The following CCDC171 variants were observed in gnomAD, a reference collection of about 807,000 sequenced individuals.
CCDC171 encodes the protein coiled-coil domain-containing protein 171.
In CCDC171, 177 loss-of-function variants were observed where a neutral mutation model predicts 168.2. The ratio of observed to expected loss-of-function variants is 1.05; its 90% confidence interval spans 0.93 to 1.19. The LOEUF is 1.19. Ranked by LOEUF, CCDC171 falls within the 50% of genes most tolerant of loss-of-function variation. The probability of loss-of-function intolerance (pLI) is 0.00; values close to 1 mark genes in which losing one functional copy is unlikely to be tolerated. For missense variants in CCDC171, 1,991 were observed against 1,539.0 expected (o/e 1.29, Z -4.91); for synonymous variants, 687 against 540.8 (o/e 1.27, Z -3.75).
intron 10 of CCDC171, among the ~76,000 whole-genome samples, chr9:15,681,609 C>G (rs149462807): frequency 2.7e-4 from 41 of 152,054 alleles, no homozygotes; most frequent in African/African-American, 8.9e-4. Context: ...TATTCTGTCA[C>G]TTTTCCTAAA....
At chr9:15,574,235 C>G (rs1354311221) in intron 3 of CCDC171, among the ~76,000 whole-genome samples, 1 of 151,892 alleles carries the variant, frequency 6.6e-6, no homozygotes, top group Non-Finnish European at 1.5e-5. Flanking sequence ...ACCTCTGCCT[C>G]CCAGGTTCAA....
At chr9:15,857,282 A>G (rs920567049) in intron 23 of CCDC171, among the ~76,000 whole-genome samples, 5 of 151,932 alleles carry the variant, frequency 3.3e-5, no homozygotes, top group African/African-American at 1.2e-4. Context: ...TTTTAGTGTC[A>G]TATCCATGAA....
At chr9:15,719,016 C>T (rs984591977) in intron 11 of CCDC171, among the ~76,000 whole-genome samples, 12 of 152,100 alleles carry the variant, frequency 7.9e-5, no homozygotes, top group Non-Finnish European at 1.3e-4. Context: ...CCTGGAGATA[C>T]AGAGATATAT....
chr9:15,949,547 A>G (rs528962204), intron 25 of CCDC171, among the ~76,000 whole-genome samples: 16 of 152,128 alleles, frequency 1.1e-4, no homozygotes, highest in African/African-American at 3.6e-4. Flanking sequence ...CATCCTAGGT[A>G]TTTTATTCTC....
chr9:15,677,922 ATAT>A (rs1227427867), intron 9 of CCDC171, among the ~76,000 whole-genome samples: 740 of 38,010 alleles, frequency 0.019, 118 homozygotes, highest in East Asian at 0.063. Context: ...ATATATATAT[ATAT>A]AAGAGATGTG....
At chr9:15,811,065 G>C (rs761357802) in intron 21 of CCDC171, among the ~76,000 whole-genome samples, 1 of 152,262 alleles carries the variant, frequency 6.6e-6, no homozygotes, top group East Asian at 1.9e-4. Context: ...CTGTTGTACA[G>C]TGCTGGTCGA....
chr9:15,920,753 A>G (rs1032571827), intron 25 of CCDC171, among the ~76,000 whole-genome samples: 3 of 151,782 alleles, frequency 2.0e-5, no homozygotes, highest in Non-Finnish European at 4.4e-5. Context: ...AGTGTGTCCC[A>G]TTAAGACAGA....
intron 18 of CCDC171, among the ~76,000 whole-genome samples, chr9:15,772,959 A>C (rs1195869475): frequency 2.0e-5 from 3 of 151,752 alleles, no homozygotes; most frequent in Non-Finnish European, 2.9e-5. Flanking sequence ...AAATTTAGTT[A>C]ACAATACTCA....
the CCDC171 span, among the ~76,000 whole-genome samples, chr9:16,085,508 C>T: frequency 6.6e-6 from 1 of 152,196 alleles, no homozygotes; most frequent in Non-Finnish European, 1.5e-5. Flanking sequence ...GAAACCTCTG[C>T]AGCCAGTGAC....
chr9:15,592,653 G>T (rs2042081312), intron 5 of CCDC171, among the ~76,000 whole-genome samples: 1 of 152,000 alleles, frequency 6.6e-6, no homozygotes, highest in Admixed American at 6.6e-5. Flanking sequence ...AATGGGGGAG[G>T]TTTCGGTGGT....
intron 21 of CCDC171, among the ~76,000 whole-genome samples, chr9:15,795,360 C>G (rs1480234628): frequency 2.6e-5 from 4 of 152,316 alleles, no homozygotes; most frequent in East Asian, 3.9e-4. Flanking sequence ...TCTCACCTCT[C>G]AGCACTGTTG....
At chr9:15,706,133 C>G (rs2052203570) in intron 11 of CCDC171, among the ~76,000 whole-genome samples, 1 of 152,192 alleles carries the variant, frequency 6.6e-6, no homozygotes, top group Non-Finnish European at 1.5e-5. Context: ...ACTACAGTTG[C>G]TCCTGTCTCA....
At chr9:15,634,625 G>T (rs1029677626) in intron 7 of CCDC171, among the ~76,000 whole-genome samples, 1 of 152,002 alleles carries the variant, frequency 6.6e-6, no homozygotes, top group Admixed American at 6.6e-5. Context: ...TTCTTACAGC[G>T]ATGAGTAAAA....
intron 6 of CCDC171, among the ~76,000 whole-genome samples, chr9:15,607,793 A>T (rs1243225623): frequency 2.0e-5 from 3 of 152,166 alleles, no homozygotes; most frequent in Non-Finnish European, 4.4e-5. Context: ...GTTAAAGTTA[A>T]TAAAATAGCT....
At chr9:15,801,445 T>C (rs2135787966) in intron 21 of CCDC171, among the ~76,000 whole-genome samples, 1 of 152,252 alleles carries the variant, frequency 6.6e-6, no homozygotes, top group African/African-American at 2.4e-5. Flanking sequence ...GAAATACTAC[T>C]GAATTTTGAA....
chr9:15,916,463 A>G (rs1383808133), intron 24 of CCDC171, among the ~76,000 whole-genome samples: 1 of 152,004 alleles, frequency 6.6e-6, no homozygotes, highest in African/African-American at 2.4e-5. Flanking sequence ...TTAAAGTCGA[A>G]GTGATAGAGT....
the CCDC171 span, among the ~76,000 whole-genome samples, chr9:16,085,923 T>C: frequency 2.6e-5 from 4 of 152,144 alleles, no homozygotes; most frequent in African/African-American, 9.7e-5. Flanking sequence ...TGGCCTGAAA[T>C]TTTTTTATTG....
At chr9:16,089,168 C>T in the CCDC171 span, among the ~76,000 whole-genome samples, 1 of 152,140 alleles carries the variant, frequency 6.6e-6, no homozygotes, top group East Asian at 2.0e-4. Context: ...GTGCAGAAAA[C>T]TGAAACTGGA....
rs376011034 is a variant in CCDC171 at position 15,779,862 on chromosome 9, C to T, written c.3081+712C>T. ...GAACAAAATGTCTAACTGTGTGAAG[C>T]ACAATATAATGCAGACATCCACATA... On this transcript the variant is annotated intron_variant, in intron 20 of 25. Transcript: ENST00000380701. 2.6e-5 allele frequency among the ~76,000 whole-genome samples: 4 copies of T among 152,282 alleles called. No individual in the cohort carries two copies. In the East Asian group the frequency reaches 5.8e-4, roughly 22 times the overall value.
Sources: gnomAD v4.1 joint callset for allele counts (sites outside exome capture counted in the v4.1 genomes callset) on GRCh38, gnomAD v4.1.1 for gene constraint, MANE v1.5 for transcripts, NCBI Gene and HGNC (gene_info 2026-07-23, HGNC 2026-07-21) for gene names.